The following LRCH4 variants were observed in gnomAD, a reference collection of about 807,000 sequenced individuals.
The protein encoded by LRCH4 is leucine rich repeats and calponin homology domain containing 4, also known as leucine-rich repeat and calponin homology domain-containing protein 4.
Under a neutral mutation model 81.2 loss-of-function variants are expected in LRCH4, and 56 were observed. The ratio of observed to expected loss-of-function variants is 0.69; its 90% CI spans 0.56 to 0.86. LRCH4 has a LOEUF of 0.86. LRCH4 is among the 40% of genes least tolerant of loss of function. The pLI is 0.00. For missense variants in LRCH4, 895 were observed against 922.8 expected (o/e 0.97, Z 0.39); for synonymous variants, 442 against 409.7 (o/e 1.08, Z -0.95).
Position 100,581,873 on chromosome 7 carries a change from T to C in LRCH4, c.502A>G (p.Ser168Gly). 1 of 1,614,158 alleles carries C rather than the reference T, an allele frequency of 6.2e-7. No individual in the cohort carries two copies. Among genetic ancestry groups the C allele is most frequent in the Non-Finnish European group, 8.5e-7 (1 of 1,180,018 alleles). The change falls in exon 4 of 18, where the codon AGC becomes GGC. Residue 168 changes from serine (S) to glycine (G), a missense_variant. This residue lies in a region of LRCH4 where 360 missense variants were observed against 397.0 expected (regional missense o/e 0.91). Coordinates refer to ENST00000310300, the MANE Select transcript of LRCH4 (RefSeq NM_002319.5). ...GAGGGCAGGGATTGGAGCTCGTTGC[T>C]GCTCACGTCCTGGTATCAGGAAGGC... ...LGSLRQLDVS[S>G]NELQSLPSEL...
intron 4 of LRCH4, chr7:100,580,441 CACACA>C (rs1423020881): frequency 4.4e-4 from 64 of 146,302 alleles, no homozygotes; most frequent in Middle Eastern, 3.5e-3. Flanking sequence ...CACACACACA[CACACA>C]AAACCCACAC....
At chr7:100,584,726 A>G (rs1801670239) in intron 1 of LRCH4, 1 of 456,468 alleles carries the variant, frequency 2.2e-6, no homozygotes, top group Non-Finnish European at 4.4e-6. Context: ...GGAGGTTTCG[A>G]CTGGTTCTCC....
Position 100,575,664 on chromosome 7 carries a change from A to G in LRCH4, c.1854+41T>C. The G allele has an allele frequency of 1.2e-6, 2 of 1,607,698 alleles. No individual in the cohort carries two copies. Among genetic ancestry groups the G allele is most frequent in the African/African-American group, 2.7e-5 (2 of 74,910 alleles). Reference sequence around the variant, plus strand: ...ACCATCCATGCCACATGCTCGGCTGAGTCCGGCATGCCACCACTCTTTAGA... The same window carrying G: ...ACCATCCATGCCACATGCTCGGCTGGGTCCGGCATGCCACCACTCTTTAGA... On this transcript the variant is annotated intron_variant, in intron 17 of 17. Coordinates refer to ENST00000310300, the MANE Select transcript of LRCH4 (RefSeq NM_002319.5). The surrounding 1 kb of genome is among the most constrained non-coding windows in gnomAD (Gnocchi z 5.3).
At chr7:100,580,991 G>C (rs576706712) in intron 4 of LRCH4, 1 of 152,420 alleles carries the variant, frequency 6.6e-6, no homozygotes, top group African/African-American at 2.4e-5. Flanking sequence ...GAGGCTATCA[G>C]TGCATCACAA....
Position 100,578,712 on chromosome 7 carries a change from G to C in LRCH4, c.673C>G (p.Arg225Gly). 6.2e-7 allele frequency: 1 copy of C among 1,614,166 alleles called. No homozygotes were observed. Among genetic ancestry groups the C allele is most frequent in the Non-Finnish European group, 8.5e-7 (1 of 1,180,042 alleles). ...AGAATGACCTGCAGGTGCCTCAGGC[G>C]GCAGAAGGAGACTGGGATTCGGGAG... is the stretch of plus-strand genomic sequence containing the variant. ...RVSRIPVSFC[R>G]LRHLQVILLD... Residue 225 changes from arginine (R) to glycine (G), a missense_variant, in exon 5 of 18, where the codon CGC (arginine) becomes GGC (glycine). Coordinates refer to ENST00000310300, the MANE Select transcript of LRCH4 (RefSeq NM_002319.5). The surrounding 1 kb of genome is among the most constrained non-coding windows in gnomAD (Gnocchi z 5.7).
At position 100,576,785 on chromosome 7, in the gene LRCH4, C is replaced by T. The variant is rs752714318; in HGVS notation, c.1469-8G>A. 4.2e-5 allele frequency: 67 copies of T among 1,583,192 alleles called. No homozygotes were observed. Among genetic ancestry groups the T allele is most frequent in the Middle Eastern group, 3.3e-4 (2 of 6,028 alleles). ...GTGGAGCAGGTGCTGTCGCTGGGGC[C>T]GGAACCAGGGACACAGCGACAGGGG... On this transcript the variant is annotated splice_region_variant and splice_polypyrimidine_tract_variant and intron_variant, in intron 13 of 17. Coordinates refer to ENST00000310300, the MANE Select transcript of LRCH4 (RefSeq NM_002319.5).
Position 100,578,121 on chromosome 7 carries a change from C to T in LRCH4, c.948+38G>A. The T allele has an allele frequency of 6.3e-7, 1 of 1,591,148 alleles. No homozygotes were observed. Among genetic ancestry groups the T allele is most frequent in the South Asian group, 1.1e-5 (1 of 90,498 alleles). ...CCAGTTCAGAGGTGCTCTCCCAGGG[C>T]TGACACCCTCAATCACCCATGGACA... On this transcript the variant is annotated intron_variant, in intron 7 of 17. Coordinates refer to ENST00000310300, the MANE Select transcript of LRCH4 (RefSeq NM_002319.5). This position sits in a 1 kb window ranked among gnomAD's most constrained non-coding sequence, Gnocchi z 5.7.
intron 13 of LRCH4, 43 bp downstream of exon 13, chr7:100,576,859 C>CACCA: frequency 6.5e-7 from 1 of 1,539,928 alleles, no homozygotes; most frequent in Non-Finnish European, 8.8e-7. Flanking sequence ...AACCAGCCCT[C>CACCA]ACCAACACAG....
In LRCH4 at chr7:100,575,131, G is replaced by A. The variant is rs1187501332; in HGVS notation, c.2028C>T (p.Thr676=). 1 of 1,612,126 alleles carries A rather than the reference G, an allele frequency of 6.2e-7. No individual in the cohort carries two copies. The highest frequency in any genetic ancestry group is 8.5e-7 in the Non-Finnish European group (1 of 1,178,892). The change falls in exon 18 of 18, where the codon ACC becomes ACT. Residue 676 remains threonine (T), a synonymous_variant. Coordinates refer to ENST00000310300, the MANE Select transcript of LRCH4 (RefSeq NM_002319.5). The surrounding 1 kb of genome is among the most constrained non-coding windows in gnomAD (Gnocchi z 5.3). ...YVVLMLLLYV[T]YTRLLGS ...CCTAGGAACCCAGGAGCCGAGTGTA[G>A]GTGACATAGAGCAGCAGCATGAGGA...
Position 100,576,002 on chromosome 7 carries a change from C to G in LRCH4, c.1645G>C (p.Glu549Gln). 4 of 1,604,094 alleles carry G rather than the reference C, an allele frequency of 2.5e-6. No individual in the cohort carries two copies. The highest frequency in any genetic ancestry group is 3.4e-6 in the Non-Finnish European group (4 of 1,178,676). ...DLMTQLRQVL[E>Q]SRLQRPLPED... is the part of the protein sequence containing the mutation. ...GGCAGGGGCCGCTGCAGCCGGGACT[C>G]AAGGACCTGGCAGTGTAGACCACAT... The change falls in exon 16 of 18, where the codon GAG becomes CAG. Residue 549 changes from glutamate to glutamine, a missense_variant. Glu to Gln is a conservative substitution (Grantham distance 29). Coordinates refer to ENST00000310300, the MANE Select transcript of LRCH4 (RefSeq NM_002319.5).
chr7:100,577,986 G>C lies in LRCH4; in HGVS notation c.949-74C>G, dbSNP rs528062813. On this transcript the variant is annotated intron_variant, in intron 7 of 17. Transcript: ENST00000310300. The surrounding 1 kb of genome is among the most constrained non-coding windows in gnomAD (Gnocchi z 6.7). ...GCTCAGGACCTGGGGGGTCCTGTGTGGGACTAAGCTCAGGGTCTCTGCTGA... is the reference window on the plus strand; with the variant it reads ...GCTCAGGACCTGGGGGGTCCTGTGTCGGACTAAGCTCAGGGTCTCTGCTGA... 2,068 of 1,384,160 alleles carry C rather than the reference G, an allele frequency of 1.5e-3. 6 individuals carry two copies. Among genetic ancestry groups the C allele is most frequent in the Non-Finnish European group, 1.6e-3 (1,607 of 981,964 alleles). The allele number at this position is 1,384,160 out of a possible 1,614,324, so 85.7% of individuals were successfully genotyped here.
chr7:100,582,994 T>TA lies in LRCH4; in HGVS notation c.221-536dup, dbSNP rs754728859. 1.1e-4 allele frequency among the ~76,000 whole-genome samples: 16 copies of TA among 152,266 alleles called. No individual in the cohort carries two copies. Among genetic ancestry groups the TA allele is most frequent in the Non-Finnish European group, 2.1e-4 (14 of 68,004 alleles). ...GGTCACTCTATCTTGGTTCTAGAGA[T>TA]AAAGTCCCCGACACCGGACGAGTTT... On this transcript the variant is annotated intron_variant, in intron 1 of 17. Transcript: ENST00000310300. This position sits in a 1 kb window ranked among gnomAD's most constrained non-coding sequence, Gnocchi z 5.0.
chr7:100,575,298 G>C lies in LRCH4; in HGVS notation c.1861C>G (p.Leu621Val). ...TGGAGGAGATCCGAGGGCGAGCACA[G>C]GTCAGCCTGGGGGAGAGGAGAGCAG... is the stretch of plus-strand genomic sequence containing the variant. ...CRKMGVPEAD[L>V]CSPSDLLQGT... Residue 621 changes from leucine (L) to valine (V), a missense_variant, in exon 18 of 18, where the codon CTG (leucine) becomes GTG (valine). By Grantham distance (32) the Leu-to-Val change is conservative. Around this residue, in one of 3 missense-constraint regions of LRCH4, gnomAD observed 529 missense variants for 504.9 expected, o/e 1.05. Coordinates refer to ENST00000310300, the MANE Select transcript of LRCH4 (RefSeq NM_002319.5). This position sits in a 1 kb window ranked among gnomAD's most constrained non-coding sequence, Gnocchi z 5.3. The C allele has an allele frequency of 6.5e-7, 1 of 1,546,874 alleles. No individual in the cohort carries two copies. Among genetic ancestry groups the C allele is most frequent in the Non-Finnish European group, 8.8e-7 (1 of 1,142,748 alleles).
At position 100,576,760 on chromosome 7, in the gene LRCH4, G is replaced by A. The variant is rs761681238; in HGVS notation, c.1486C>T (p.Arg496Trp). Residue 496 changes from arginine to tryptophan, a missense_variant, in exon 14 of 18, where the codon CGG becomes TGG. By Grantham distance (101) the Arg-to-Trp change is moderately radical. Around this residue, in one of 3 missense-constraint regions of LRCH4, gnomAD observed 529 missense variants for 504.9 expected, o/e 1.05. Transcript: ENST00000310300. ...GGTCTCTGAATGGAGCCAAGTGGCC[G>A]TGGAGCAGGTGCTGTCGCTGGGGCC... ...IAGPATAPAP[R>W]PLGSIQRPNS... 2.5e-5 allele frequency: 40 copies of A among 1,595,086 alleles called. No individual in the cohort carries two copies. The East Asian group carries it at 6.3e-4, about 25-fold the overall frequency.
chr7:100,575,434 G>A lies in LRCH4; in HGVS notation c.1855-130C>T, dbSNP rs1323340767. 5 of 940,990 alleles carry A rather than the reference G, an allele frequency of 5.3e-6. No individual in the cohort carries two copies. The highest frequency in any genetic ancestry group is 1.4e-5 in the South Asian group (1 of 70,808). The allele number at this position is 940,990 out of a possible 1,614,324, so 58.3% of individuals were successfully genotyped here. On this transcript the variant is annotated intron_variant, in intron 17 of 17. Transcript: ENST00000310300. This position sits in a 1 kb window ranked among gnomAD's most constrained non-coding sequence, Gnocchi z 5.3. ...CGCCCACATGCTGACGTGCTGGGCAGGGGGAGTGCAGTGCAGGAGGAGTGC... is the reference window on the plus strand; with the variant it reads ...CGCCCACATGCTGACGTGCTGGGCAAGGGGAGTGCAGTGCAGGAGGAGTGC...
In LRCH4 at chr7:100,577,078, A is replaced by G; in HGVS notation, c.1364+8T>C. On this transcript the variant is annotated splice_region_variant and intron_variant, in intron 12 of 17. Coordinates refer to ENST00000310300, the MANE Select transcript of LRCH4 (RefSeq NM_002319.5). This position sits in a 1 kb window ranked among gnomAD's most constrained non-coding sequence, Gnocchi z 6.7. ...GGAGTGGGGAGGGGATGCTGGCAGG[A>G]AACCTACTTGTGCATGGCTTGAGTG... 2 of 1,614,122 alleles carry G rather than the reference A, an allele frequency of 1.2e-6. No homozygotes were observed. The highest frequency in any genetic ancestry group is 2.2e-5 in the South Asian group (2 of 91,088).
At chr7:100,576,404 A>G in intron 14 of LRCH4, 81 bp from the exon 15 acceptor site, 2 of 954,744 alleles carry the variant, frequency 2.1e-6, no homozygotes, top group Non-Finnish European at 3.3e-6. Flanking sequence ...CCTGGCACCT[A>G]CACCTCCTGC....
chr7:100,581,910 G>T (rs777414561), intron 3 of LRCH4, 28 bp from the exon 4 acceptor site: 3 of 1,612,482 alleles, frequency 1.9e-6, no homozygotes, highest in Non-Finnish European at 2.5e-6. Context: ...GTGGGAAGGG[G>T]CCATGAGACC....
chr7:100,581,635 C>T (rs1801561970), intron 4 of LRCH4, 142 bp downstream of exon 4: 2 of 697,904 alleles, frequency 2.9e-6, no homozygotes, highest in African/African-American at 3.6e-5. Context: ...CACCCAGATC[C>T]TGAACTTCAG....
Sources: allele counts gnomAD v4.1 joint callset (sites outside exome capture counted in the v4.1 genomes callset), GRCh38; gene constraint gnomAD v4.1.1; regional missense constraint gnomAD v4.1.1; non-coding constraint Gnocchi (gnomAD v3.1); transcripts MANE v1.5; gene names NCBI Gene and HGNC (gene_info 2026-07-23, HGNC 2026-07-21).